Variants in SHANK1 observed in about 807,000 individuals in gnomAD.
SHANK1 encodes SH3 and multiple ankyrin repeat domains 1, also known as SH3 and multiple ankyrin repeat domains protein 1.
Under a neutral mutation model 165.6 loss-of-function variants are expected in SHANK1, and 35 were observed. The ratio of observed to expected loss-of-function variants is 0.21; its 90% CI spans 0.16 to 0.28. SHANK1 has a LOEUF of 0.28. SHANK1 is among the 10% of genes least tolerant of loss of function. The pLI is 1.00. For missense variants in SHANK1, 2,681 were observed against 3,036.4 expected (o/e 0.88, Z 2.75); for synonymous variants, 1,428 against 1,384.8 (o/e 1.03, Z -0.69).
At chr19:50,711,091 T>C (rs1239790922) in intron 8 of SHANK1, 6 of 403,364 alleles carry the variant, frequency 1.5e-5, no homozygotes, top group African/African-American at 1.2e-4. Context: ...CAGCAAACTA[T>C]GTTGTCTGCC....
intron 21 of SHANK1, among the ~76,000 whole-genome samples, chr19:50,673,441 C>T (rs996737572): frequency 4.6e-5 from 7 of 152,186 alleles, no homozygotes; most frequent in Non-Finnish European, 1.0e-4. Context: ...CACCTGCGAG[C>T]CCTGGTTCTC....
At position 50,667,953 on chromosome 19, in the gene SHANK1, C is replaced by A. The variant is rs1005312231; in HGVS notation, c.4007G>T (p.Arg1336Leu). 3 of 1,397,276 alleles carry A rather than the reference C, an allele frequency of 2.1e-6. No individual in the cohort carries two copies. Among genetic ancestry groups the A allele is most frequent in the Non-Finnish European group, 2.8e-6 (3 of 1,081,060 alleles). 86.6% of individuals were successfully genotyped at this position (1,397,276 alleles called of 1,614,324 possible). A position where few individuals can be genotyped will look rare whatever the true frequency, so the allele number is the denominator to read the frequency against. The part of the protein sequence containing the change: ...SSAFTSFLPP[R>L]PLVHPLTGKA... The stretch of plus-strand genomic sequence containing the variant: ...GCCGGTCAGCGGGTGCACCAGGGGT[C>A]GCGGGGGCAGGAAGCTGGTGAAGGC... The change falls in exon 23 of 24, where the codon CGA becomes CTA. Residue 1336 changes from arginine (R) to leucine (L), a missense_variant. Physicochemically the swap from Arg to Leu is moderately radical, Grantham distance 102. This residue lies in a region of SHANK1 where 1,713 missense variants were observed against 1,630.2 expected (regional missense o/e 1.05). Coordinates refer to ENST00000293441, the MANE Select transcript of SHANK1 (RefSeq NM_016148.5). This position sits in a 1 kb window ranked among gnomAD's most constrained non-coding sequence, Gnocchi z 5.7.
Position 50,711,982 on chromosome 19 carries a change from T to C in SHANK1, c.925A>G (p.Ile309Val). The change falls in exon 7 of 24, where the codon ATA becomes GTA. Residue 309 changes from isoleucine (I) to valine (V), a missense_variant. Ile to Val is a conservative substitution (Grantham distance 29, BLOSUM62 3). Around this residue, in one of 10 missense-constraint regions of SHANK1, gnomAD observed 189 missense variants for 440.9 expected, o/e 0.43. Transcript: ENST00000293441. ...LLLFNRAQLGIADENGWQEIH... is the reference protein window; with the variant it reads ...LLLFNRAQLGVADENGWQEIH... Reference sequence around the variant, plus strand: ...TCCTGCCAGCCGTTCTCATCAGCTATGCCCAGCTGGGCCCTGTTGAACAGG... The same window carrying C: ...TCCTGCCAGCCGTTCTCATCAGCTACGCCCAGCTGGGCCCTGTTGAACAGG... 6.2e-7 allele frequency: 1 copy of C among 1,614,114 alleles called. No homozygotes were observed. The highest frequency in any genetic ancestry group is 8.5e-7 in the Non-Finnish European group (1 of 1,180,012).
chr19:50,689,312 TG>T, intron 15 of SHANK1, 33 bp from the exon 16 acceptor site: 9 of 889,756 alleles, frequency 1.0e-5, no homozygotes, highest in Non-Finnish European at 1.6e-5. Flanking sequence ...GGGGGGGTGG[TG>T]GGGGGAGTGG....
chr19:50,675,995 A>G (rs1025424784), intron 21 of SHANK1, among the ~76,000 whole-genome samples: 5 of 148,916 alleles, frequency 3.4e-5, no homozygotes, highest in African/African-American at 1.2e-4. Context: ...GACTTCATCT[A>G]AAATAAAATA....
At chr19:50,665,902 A>ATTCC (rs1555739472) in intron 23 of SHANK1, among the ~76,000 whole-genome samples, 3 of 135,636 alleles carry the variant, frequency 2.2e-5, no homozygotes, top group African/African-American at 8.8e-5. Flanking sequence ...GTGTGGTGGC[A>ATTCC]TGGGAGGCTG....
chr19:50,694,225 TCACA>T (rs895195233), intron 15 of SHANK1, among the ~76,000 whole-genome samples: 3 of 151,128 alleles, frequency 2.0e-5, no homozygotes, highest in South Asian at 2.1e-4. Context: ...CTGCAGGCAG[TCACA>T]CACACGCACA....
Position 50,667,111 on chromosome 19 carries a change from G to C in SHANK1, c.4849C>G (p.Leu1617Val). 3 of 1,558,080 alleles carry C rather than the reference G, an allele frequency of 1.9e-6. No homozygotes were observed. Among genetic ancestry groups the C allele is most frequent in the Non-Finnish European group, 2.6e-6 (3 of 1,158,754 alleles). ...GTCAGGCTGGATGCGGTGGAGTCCAGGGTGGGAGGGGCTGCGGCCACAGCC... is the reference window on the plus strand; with the variant it reads ...GTCAGGCTGGATGCGGTGGAGTCCACGGTGGGAGGGGCTGCGGCCACAGCC... The part of the protein sequence containing the change: ...PPAVAAAPPT[L>V]DSTASSLTSY... The change falls in exon 23 of 24, where the codon CTG becomes GTG. Residue 1617 changes from leucine to valine, a missense_variant. Physicochemically the swap from Leu to Val is conservative, Grantham distance 32 (BLOSUM62 1). Coordinates refer to ENST00000293441, the MANE Select transcript of SHANK1 (RefSeq NM_016148.5). This position sits in a 1 kb window ranked among gnomAD's most constrained non-coding sequence, Gnocchi z 5.7.
chr19:50,711,155 G>C, intron 8 of SHANK1: 2 of 559,800 alleles, frequency 3.6e-6, no homozygotes, highest in Non-Finnish European at 6.4e-6. Context: ...CTCCAGGCCT[G>C]ATACAGAGGA....
chr19:50,710,567 C>T (rs542899386), intron 8 of SHANK1, among the ~76,000 whole-genome samples: 4 of 152,314 alleles, frequency 2.6e-5, no homozygotes, highest in East Asian at 3.9e-4. Flanking sequence ...TTGAAAGACC[C>T]GGCTCTTGCC....
intron 8 of SHANK1, among the ~76,000 whole-genome samples, chr19:50,709,306 C>CT (rs1410585101): frequency 2.6e-5 from 4 of 151,620 alleles, no homozygotes; most frequent in Non-Finnish European, 4.4e-5. Context: ...GCCTGGCTAA[C>CT]TTTTTTTTGC....
chr19:50,671,180 C>CTTA (rs1985778791), intron 22 of SHANK1, among the ~76,000 whole-genome samples: 1 of 76,724 alleles, frequency 1.3e-5, no homozygotes, highest in Non-Finnish European at 2.3e-5. Flanking sequence ...TTTTTTCACT[C>CTTA]TTTTTTTTTT....
At chr19:50,694,185 T>A (rs73598638) in intron 15 of SHANK1, among the ~76,000 whole-genome samples, 2,561 of 150,652 alleles carry the variant, frequency 0.017, 71 homozygotes, top group African/African-American at 0.058. Context: ...TTTCTCTCTC[T>A]CACACACACA....
chr19:50,702,624 G>C lies in SHANK1; in HGVS notation c.1590C>G (p.Gly530=). Residue 530 remains glycine, a synonymous_variant, in exon 12 of 24, where the codon GGC becomes GGG. Coordinates refer to ENST00000293441, the MANE Select transcript of SHANK1 (RefSeq NM_016148.5). The surrounding 1 kb of genome is among the most constrained non-coding windows in gnomAD (Gnocchi z 5.3). ...CCCCGGGGCCCCCTGAGCCCCCCGT[G>C]CCCCCGGCTGGCCCTTCCCGGGGTG... ...SGTPREGPAG[G]TGGSGGPGGS... The C allele has an allele frequency of 6.3e-7, 1 of 1,585,134 alleles. No homozygotes were observed. The highest frequency in any genetic ancestry group is 1.1e-5 in the South Asian group (1 of 88,220).
Position 50,659,620 on chromosome 19 carries a change from T to G in SHANK1, c.*2345A>C, listed in dbSNP as rs1246859650. Among the ~76,000 whole-genome samples, 3 of 147,458 alleles carry G rather than the reference T, an allele frequency of 2.0e-5. No individual in the cohort carries two copies. In the Admixed American group the frequency reaches 2.0e-4, roughly 10 times the overall value. The stretch of plus-strand genomic sequence containing the variant: ...TTTATTTCAGGTTTTTTTTCTGGAT[T>G]TTTTTGTGTGTTCTAGGGGTTTTGT... On this transcript the variant is annotated 3_prime_UTR_variant, in exon 24 of 24. Coordinates refer to ENST00000293441, the MANE Select transcript of SHANK1 (RefSeq NM_016148.5).
chr19:50,668,923 G>T lies in SHANK1; in HGVS notation c.3037C>A (p.Pro1013Thr). 1.3e-6 allele frequency: 1 copy of T among 769,938 alleles called. No homozygotes were observed. The highest frequency in any genetic ancestry group is 1.9e-6 in the Non-Finnish European group (1 of 526,730). The allele number at this position is 769,938 out of a possible 1,614,324, so 47.7% of individuals were successfully genotyped here. ...HHHHHAPPPQ[P>T]HHHHAHPPHP... Reference sequence around the variant, plus strand: ...GGGGGGTGGGCGTGGTGGTGGTGGGGCTGAGGGGGCGGGGCGTGGTGGTGG... The same window carrying T: ...GGGGGGTGGGCGTGGTGGTGGTGGGTCTGAGGGGGCGGGGCGTGGTGGTGG... The change falls in exon 23 of 24, where the codon CCC becomes ACC. Residue 1013 changes from proline (P) to threonine (T), a missense_variant. By Grantham distance (38) the Pro-to-Thr change is conservative (BLOSUM62 -1). Transcript: ENST00000293441.
intron 21 of SHANK1, among the ~76,000 whole-genome samples, chr19:50,683,793 G>C (rs529512176): frequency 6.6e-6 from 1 of 152,256 alleles, no homozygotes; most frequent in East Asian, 1.9e-4. Context: ...AACCACAAAA[G>C]CCCTTCGCGT....
chr19:50,682,210 C>T (rs1033881521), intron 21 of SHANK1, among the ~76,000 whole-genome samples: 1 of 152,090 alleles, frequency 6.6e-6, no homozygotes, highest in Non-Finnish European at 1.5e-5. Context: ...TGCACACCAC[C>T]ACGCCCAGCT....
At chr19:50,672,582 A>T (rs987038723) in intron 21 of SHANK1, among the ~76,000 whole-genome samples, 1 of 149,462 alleles carries the variant, frequency 6.7e-6, no homozygotes, top group African/African-American at 2.5e-5. Flanking sequence ...AAAAAAAAAG[A>T]AAAGAAGGCG....
Sources: allele counts gnomAD v4.1 joint callset (sites outside exome capture counted in the v4.1 genomes callset), GRCh38; gene constraint gnomAD v4.1.1; regional missense constraint gnomAD v4.1.1; non-coding constraint Gnocchi (gnomAD v3.1); transcripts MANE v1.5; gene names NCBI Gene and HGNC (gene_info 2026-07-23, HGNC 2026-07-21).